MGAT4C: variants seen among roughly 807,000 people sequenced by gnomAD.
MGAT4C encodes the protein alpha-1,3-mannosyl-glycoprotein 4-beta-N-acetylglucosaminyltransferase C.
Under a neutral mutation model 40.1 loss-of-function variants are expected in MGAT4C, and 19 were observed. The observed-to-expected ratio is 0.47, with a 90% confidence interval of 0.33 to 0.70. The LOEUF (loss-of-function observed/expected upper bound fraction) is 0.70. Ranked by LOEUF, MGAT4C falls within the 30% of genes least tolerant of loss-of-function variation. MGAT4C has a pLI of 0.02. For missense variants in MGAT4C, 491 were observed against 563.2 expected, an observed-to-expected ratio of 0.87 and a Z score of 1.30; for synonymous variants, 181 against 187.1, an observed-to-expected ratio of 0.97 and a Z score of 0.27.
chr12:85,956,393 G>A lies in MGAT4C; in HGVS notation c.*22896C>T, dbSNP rs944643636. On this transcript the variant is annotated 3_prime_UTR_variant, in exon 5 of 5. Transcript: ENST00000611864. ...TGGGAATCTGATTCTCAATAACTTC[G>A]GTGTTTTGTTTGTCCTTAGACAATA... 3 of 151,960 alleles carry A rather than the reference G, an allele frequency of 2.0e-5. No homozygotes were observed. The highest frequency in any genetic ancestry group is 4.2e-4 in the South Asian group (2 of 4,806). 9.4% of individuals were successfully genotyped at this position (151,960 alleles called of 1,614,324 possible). A position where few individuals can be genotyped will look rare whatever the true frequency, so the allele number is the denominator to read the frequency against.
chr12:86,373,653 G>T (rs914795070), intron 3 of MGAT4C, among the ~76,000 whole-genome samples: 3 of 144,096 alleles, frequency 2.1e-5, no homozygotes, highest in Non-Finnish European at 4.6e-5. Flanking sequence ...AAAGAAAATA[G>T]TTTTTTTTTT....
chr12:86,119,722 CT>C (rs11306440), intron 1 of MGAT4C, among the ~76,000 whole-genome samples: 17,061 of 122,126 alleles, frequency 0.14, 1,180 homozygotes, highest in Middle Eastern at 0.3. Flanking sequence ...TCCCACCATT[CT>C]TTTTTTTTTT....
At chr12:86,435,525 A>G (rs929696902) in intron 2 of MGAT4C, among the ~76,000 whole-genome samples, 2 of 151,910 alleles carry the variant, frequency 1.3e-5, no homozygotes, top group Non-Finnish European at 2.9e-5. Flanking sequence ...AAAAATACAC[A>G]CAATTATAAA....
chr12:86,053,492 C>T (rs1565914134), intron 1 of MGAT4C, among the ~76,000 whole-genome samples: 1 of 151,720 alleles, frequency 6.6e-6, no homozygotes, highest in Non-Finnish European at 1.5e-5. Context: ...AAACACAGGG[C>T]ATAATCTCTA....
chr12:86,465,086 C>G (rs1488215008), intron 2 of MGAT4C, among the ~76,000 whole-genome samples: 2 of 151,972 alleles, frequency 1.3e-5, no homozygotes, highest in African/African-American at 4.8e-5. Flanking sequence ...TAGATTAACT[C>G]TGGGCTTTCT....
intron 2 of MGAT4C, among the ~76,000 whole-genome samples, chr12:86,037,192 T>C (rs1433816892): frequency 6.7e-6 from 1 of 150,064 alleles, no homozygotes; most frequent in Non-Finnish European, 1.5e-5. Context: ...TCTTCTTTAT[T>C]AGTCTGGCTA....
At chr12:86,431,724 G>A (rs911566784) in intron 3 of MGAT4C, among the ~76,000 whole-genome samples, 5 of 152,068 alleles carry the variant, frequency 3.3e-5, no homozygotes, top group African/African-American at 1.2e-4. Context: ...GTGACTGACT[G>A]GAGCTGCAGC....
At chr12:86,616,052 C>A (rs1373879318) in intron 2 of MGAT4C, among the ~76,000 whole-genome samples, 1 of 152,082 alleles carries the variant, frequency 6.6e-6, no homozygotes, top group Non-Finnish European at 1.5e-5. Flanking sequence ...AGCTCATAAA[C>A]TTTATTTGCT....
At chr12:86,666,587 CA>C (rs1041684262) in intron 2 of MGAT4C, among the ~76,000 whole-genome samples, 9 of 151,940 alleles carry the variant, frequency 5.9e-5, no homozygotes, top group African/African-American at 1.7e-4. Flanking sequence ...ATGTGAGTCA[CA>C]AAAAAATTAT....
intron 1 of MGAT4C, among the ~76,000 whole-genome samples, chr12:86,763,170 G>A (rs1156300070): frequency 6.6e-6 from 1 of 152,126 alleles, no homozygotes; most frequent in Admixed American, 6.6e-5. Flanking sequence ...AAAATGTTAA[G>A]TGTGACTCAA....
chr12:86,113,132 C>T (rs915879639), intron 1 of MGAT4C, among the ~76,000 whole-genome samples: 2 of 151,614 alleles, frequency 1.3e-5, no homozygotes, highest in African/African-American at 4.8e-5. Context: ...TTAACAGGAA[C>T]AAAATTGTTT....
intron 1 of MGAT4C, among the ~76,000 whole-genome samples, chr12:86,172,688 G>T (rs1315225593): frequency 2.0e-5 from 3 of 152,054 alleles, no homozygotes; most frequent in South Asian, 4.2e-4. Context: ...TTTGCTAAGG[G>T]TATAAATTAG....
At chr12:86,089,668 T>C (rs1005595296) in intron 1 of MGAT4C, among the ~76,000 whole-genome samples, 7 of 151,814 alleles carry the variant, frequency 4.6e-5, no homozygotes, top group African/African-American at 1.7e-4. Flanking sequence ...CATTTAAGCT[T>C]TTGTCCTTAA....
chr12:86,196,897 A>G (rs955665665), intron 1 of MGAT4C, among the ~76,000 whole-genome samples: 3 of 152,080 alleles, frequency 2.0e-5, no homozygotes, highest in African/African-American at 7.2e-5. Flanking sequence ...TCTCTCTAGA[A>G]CATGCTTTCC....
intron 2 of MGAT4C, among the ~76,000 whole-genome samples, chr12:86,522,340 T>C (rs1958809211): frequency 6.6e-6 from 1 of 152,150 alleles, no homozygotes; most frequent in Admixed American, 6.5e-5. Flanking sequence ...AAAATTCTTC[T>C]CCACATCTAT....
At chr12:86,068,248 T>G (rs926793801) in intron 1 of MGAT4C, 4 of 152,202 alleles carry the variant, frequency 2.6e-5, no homozygotes, top group Admixed American at 6.6e-5. Flanking sequence ...AACTTTGGCT[T>G]GCCTTTTTGG....
At chr12:86,372,108 G>T (rs556476508) in intron 3 of MGAT4C, among the ~76,000 whole-genome samples, 1 of 151,822 alleles carries the variant, frequency 6.6e-6, no homozygotes, top group African/African-American at 2.4e-5. Flanking sequence ...GCTTTTAAAA[G>T]TGTCAGTTTA....
chr12:86,762,993 T>C (rs1242362504), intron 1 of MGAT4C, among the ~76,000 whole-genome samples: 2 of 152,220 alleles, frequency 1.3e-5, no homozygotes, highest in Non-Finnish European at 2.9e-5. Context: ...GACATTTTGT[T>C]ACAAAATGTA....
rs780622986 is a variant in MGAT4C, at chr12:86,503,578, CAT to C, written c.-228-68315_-228-68314del. On this transcript the variant is annotated intron_variant, in intron 2 of 7. Coordinates refer to the MGAT4C transcript ENST00000548651. ...TATATATATATATATGAGTTCTGCTCATATATATATATATATATGAGTTCTGC... is the reference window on the plus strand; with the variant it reads ...TATATATATATATATGAGTTCTGCTCATATATATATATATATGAGTTCTGC... 1.5e-3 allele frequency among the ~76,000 whole-genome samples: 8 copies of C among 5,206 alleles called. 1 individual carries two copies. The highest frequency in any genetic ancestry group is 1.9e-3 in the Non-Finnish European group (7 of 3,616). 3.4% of individuals were successfully genotyped at this position (5,206 alleles called of 152,430 possible).
Sources: gnomAD v4.1 joint callset for allele counts (sites outside exome capture counted in the v4.1 genomes callset) on GRCh38, gnomAD v4.1.1 for gene constraint, MANE v1.5 for transcripts, NCBI Gene and HGNC (gene_info 2026-07-23, HGNC 2026-07-21) for gene names.